The following ST3GAL1 variants were observed in gnomAD, a reference collection of about 807,000 sequenced individuals.
The protein encoded by ST3GAL1 is CMP-N-acetylneuraminate-beta-galactosamide-alpha-2,3-sialyltransferase 1.
In ST3GAL1, 16 loss-of-function variants were observed where a neutral mutation model predicts 34.1. That is an observed-to-expected ratio of 0.47 (90% CI 0.32 to 0.71). The LOEUF is 0.71. Ranked by LOEUF, ST3GAL1 falls within the 30% of genes least tolerant of loss-of-function variation. The pLI, the probability that ST3GAL1 is intolerant of heterozygous loss-of-function variation, is 0.04. For synonymous variants in ST3GAL1, 191 were observed against 184.7 expected, an observed-to-expected ratio of 1.03 and a Z score of -0.28; for missense variants, 353 against 447.4, an observed-to-expected ratio of 0.79 and a Z score of 1.90.
In ST3GAL1 at chr8:133,464,648, G is replaced by T. The variant is rs186068916; in HGVS notation, c.683+130C>A. 1.9e-4 allele frequency: 190 copies of T among 977,288 alleles called. 1 individual carries two copies. The African/African-American group carries it at 2.7e-3, about 14-fold the overall frequency. 60.5% of individuals were successfully genotyped at this position (977,288 alleles called of 1,614,324 possible). Reference sequence around the variant, plus strand: ...GGAGGCGGCCACGGGAACTGGGCTTGTGTGTGCCGGAGGAGGCTGGGGGAG... The same window carrying T: ...GGAGGCGGCCACGGGAACTGGGCTTTTGTGTGCCGGAGGAGGCTGGGGGAG... On this transcript the variant is annotated intron_variant, in intron 7 of 9. Transcript: ENST00000522652.
At position 133,469,433 on chromosome 8, in the gene ST3GAL1, G is replaced by C. The variant is rs146819455; in HGVS notation, c.307-3343C>G. 3.7e-3 allele frequency among the ~76,000 whole-genome samples: 568 copies of C among 152,162 alleles called. 8 individuals are homozygous for C. The highest frequency in any genetic ancestry group is 0.013 in the African/African-American group (550 of 41,524). The stretch of plus-strand genomic sequence containing the variant: ...ACGGTTTCACCATGTTGGCCAGGCT[G>C]GTCTCGAACTCCTGACCTCAGGTGA... On this transcript the variant is annotated intron_variant, in intron 5 of 9. Transcript: ENST00000522652. This position sits in a 1 kb window ranked among gnomAD's most constrained non-coding sequence, Gnocchi z 4.3.
chr8:133,503,162 C>T (rs939017567), intron 2 of ST3GAL1, among the ~76,000 whole-genome samples: 3 of 152,200 alleles, frequency 2.0e-5, no homozygotes, highest in Non-Finnish European at 4.4e-5. Flanking sequence ...ACACCTGTTG[C>T]AAGTCACTGA....
chr8:133,570,641 G>C lies in ST3GAL1; in HGVS notation c.-582+1052C>G, dbSNP rs1437594246. 6.6e-6 allele frequency among the ~76,000 whole-genome samples: 1 copy of C among 152,208 alleles called. No homozygotes were observed. Among genetic ancestry groups the C allele is most frequent in the Non-Finnish European group, 1.5e-5 (1 of 68,040 alleles). On this transcript the variant is annotated intron_variant, in intron 1 of 9. Transcript: ENST00000522652. This position sits in a 1 kb window ranked among gnomAD's most constrained non-coding sequence, Gnocchi z 5.6. The stretch of plus-strand genomic sequence containing the variant: ...GCTCCGACGTCTCTGTGCCAAGCCG[G>C]GGCGCAAGCTCAACCCCCATCTCAA...
intron 2 of ST3GAL1, among the ~76,000 whole-genome samples, chr8:133,507,086 A>G (rs1310967680): frequency 1.3e-5 from 2 of 152,202 alleles, no homozygotes; most frequent in African/African-American, 4.8e-5. Context: ...GGAAGGAAAG[A>G]CAGAAATCCA....
intron 5 of ST3GAL1, among the ~76,000 whole-genome samples, chr8:133,473,983 C>T (rs1816064781): frequency 6.6e-6 from 1 of 152,202 alleles, no homozygotes; most frequent in South Asian, 2.1e-4. Context: ...TCTCTGTTAC[C>T]TCCCCAGAGC....
intron 5 of ST3GAL1, 136 bp downstream of exon 5, chr8:133,475,583 C>A: frequency 2.8e-6 from 3 of 1,053,560 alleles, no homozygotes; most frequent in Non-Finnish European, 4.0e-6. Context: ...ATTACCAGAC[C>A]CCTACCCTCA....
rs544199862 is a variant in ST3GAL1 at position 133,523,797 on chromosome 8, G to A, written c.-429+21977C>T. Among the ~76,000 whole-genome samples the A allele has an allele frequency of 8.5e-5, 13 of 152,348 alleles. 1 individual carries two copies. Among genetic ancestry groups the A allele is most frequent in the African/African-American group, 2.4e-4 (10 of 41,584 alleles). On this transcript the variant is annotated intron_variant, in intron 2 of 9. Coordinates refer to ENST00000522652, the MANE Select transcript of ST3GAL1 (RefSeq NM_173344.3). Reference sequence around the variant, plus strand: ...ACAAGGGTCTCTATCCCTCGTCCTCGTCTCTCGAAGTGGGAGTGTATTTTT... The same window carrying A: ...ACAAGGGTCTCTATCCCTCGTCCTCATCTCTCGAAGTGGGAGTGTATTTTT...
intron 6 of ST3GAL1, chr8:133,465,666 G>C (rs1032266927): frequency 6.7e-6 from 3 of 445,208 alleles, no homozygotes; most frequent in Non-Finnish European, 1.2e-5. Flanking sequence ...TCCCGTGTAT[G>C]GCTTCCTCTC....
chr8:133,533,983 A>G (rs1818230702), intron 2 of ST3GAL1, among the ~76,000 whole-genome samples: 1 of 152,148 alleles, frequency 6.6e-6, no homozygotes, highest in Non-Finnish European at 1.5e-5. Flanking sequence ...ATATAGCATA[A>G]TTGTTTGGGG....
intron 5 of ST3GAL1, among the ~76,000 whole-genome samples, chr8:133,468,390 C>T (rs1011197903): frequency 2.0e-5 from 3 of 152,112 alleles, no homozygotes; most frequent in African/African-American, 7.2e-5. Flanking sequence ...TTATATGATT[C>T]CACTTATGTG....
At chr8:133,476,150 G>C (rs1205678970) in intron 4 of ST3GAL1, 76 bp from the exon 5 acceptor site, 2 of 1,100,582 alleles carry the variant, frequency 1.8e-6, no homozygotes, top group African/African-American at 1.6e-5. Flanking sequence ...AATTCCAAGG[G>C]AGGACACAAG....
Position 133,461,951 on chromosome 8 carries a change from T to G in ST3GAL1, c.773A>C (p.Asn258Thr). ...GTATCGCCCGTGCCCTTGCAGCCAGTTGTCAAAGACATACTTGATGAAGGC... is the reference window on the plus strand; with the variant it reads ...GTATCGCCCGTGCCCTTGCAGCCAGGTGTCAAAGACATACTTGATGAAGGC... ...HPAFIKYVFD[N>T]WLQGHGRYPS... Residue 258 changes from asparagine to threonine, a missense_variant, in exon 9 of 10, where the codon AAC becomes ACC. Coordinates refer to ENST00000522652, the MANE Select transcript of ST3GAL1 (RefSeq NM_173344.3). The surrounding 1 kb of genome is among the most constrained non-coding windows in gnomAD (Gnocchi z 4.7). 6.2e-7 allele frequency: 1 copy of G among 1,614,106 alleles called. No homozygotes were observed. Among genetic ancestry groups the G allele is most frequent in the Non-Finnish European group, 8.5e-7 (1 of 1,180,010 alleles).
chr8:133,557,932 G>T (rs1819107742), intron 1 of ST3GAL1, among the ~76,000 whole-genome samples: 2 of 150,172 alleles, frequency 1.3e-5, no homozygotes, highest in South Asian at 2.1e-4. Context: ...AAAGAGGCCA[G>T]TGTCTTGAGG....
intron 2 of ST3GAL1, among the ~76,000 whole-genome samples, chr8:133,518,357 G>T (rs1451189637): frequency 6.6e-6 from 1 of 152,220 alleles, no homozygotes; most frequent in Non-Finnish European, 1.5e-5. Flanking sequence ...GCTCTCTGCT[G>T]CAGCTGCAGC....
intron 2 of ST3GAL1, among the ~76,000 whole-genome samples, chr8:133,535,297 T>C (rs1174479969): frequency 6.6e-6 from 1 of 152,198 alleles, no homozygotes; most frequent in Non-Finnish European, 1.5e-5. Context: ...TCTCTATAGA[T>C]CTATAGAATA....
intron 2 of ST3GAL1, among the ~76,000 whole-genome samples, chr8:133,534,989 C>T (rs1818267199): frequency 6.6e-6 from 1 of 152,166 alleles, no homozygotes; most frequent in East Asian, 1.9e-4. Flanking sequence ...CCTCACAAGA[C>T]AGTGTGGTCA....
At chr8:133,566,755 AT>A (rs1004323256) in intron 1 of ST3GAL1, among the ~76,000 whole-genome samples, 1 of 152,184 alleles carries the variant, frequency 6.6e-6, no homozygotes, top group African/African-American at 2.4e-5. Flanking sequence ...GTTTTATTTT[AT>A]TTTTTTAAAA....
At position 133,457,853 on chromosome 8, in the gene ST3GAL1, C is replaced by CAGGCCCCATG. The variant is rs1648002855; in HGVS notation, c.*1901_*1910dup. On this transcript the variant is annotated 3_prime_UTR_variant, in exon 10 of 10. Transcript: ENST00000522652. ...GGGGGCTCCCCCGAGCCTGGGAGCA[C>CAGGCCCCATG]AGGCCCCATGCCTCCGTCACACTCC... The CAGGCCCCATG allele has an allele frequency of 6.6e-6, 1 of 152,288 alleles. No individual in the cohort carries two copies. Among genetic ancestry groups the CAGGCCCCATG allele is most frequent in the Non-Finnish European group, 1.5e-5 (1 of 68,064 alleles). 9.4% of individuals were successfully genotyped at this position (152,288 alleles called of 1,614,324 possible).
chr8:133,512,467 A>T (rs891234121), intron 2 of ST3GAL1, among the ~76,000 whole-genome samples: 1 of 152,192 alleles, frequency 6.6e-6, no homozygotes, highest in Non-Finnish European at 1.5e-5. Context: ...CTCCCAGTCC[A>T]CTGACTCAAA....
Sources: allele counts gnomAD v4.1 joint callset (sites outside exome capture counted in the v4.1 genomes callset), GRCh38; gene constraint gnomAD v4.1.1; non-coding constraint Gnocchi (gnomAD v3.1); transcripts MANE v1.5; gene names NCBI Gene and HGNC (gene_info 2026-07-23, HGNC 2026-07-21).